Variants in WDHD1 observed in about 807,000 individuals in gnomAD.
WDHD1 encodes the protein WD repeat and HMG-box DNA-binding protein 1.
In WDHD1, 111 loss-of-function variants were observed where a neutral mutation model predicts 135.4. The observed-to-expected ratio is 0.82, with a 90% CI of 0.70 to 0.96. WDHD1 has a LOEUF of 0.96. Ranked by LOEUF, WDHD1 falls within the 40% of genes least tolerant of loss-of-function variation. WDHD1 has a pLI of 0.00. For missense variants in WDHD1, 1,351 were observed against 1,336.3 expected, an observed-to-expected ratio of 1.01 and a Z score of -0.17; for synonymous variants, 434 against 439.0, an observed-to-expected ratio of 0.99 and a Z score of 0.14.
chr14:54,963,630 C>A (rs2041292294), intron 18 of WDHD1, among the ~76,000 whole-genome samples: 1 of 152,010 alleles, frequency 6.6e-6, no homozygotes, highest in South Asian at 2.1e-4. Context: ...TGGCAAAACC[C>A]CGTCTCTACT....
chr14:54,994,588 C>G (rs1190185268), intron 11 of WDHD1, among the ~76,000 whole-genome samples: 1 of 151,818 alleles, frequency 6.6e-6, no homozygotes, highest in South Asian at 2.1e-4. Flanking sequence ...TGGTGAAACC[C>G]CATCTCTACT....
At chr14:54,947,957 T>G (rs950669782) in intron 24 of WDHD1, among the ~76,000 whole-genome samples, 6 of 151,730 alleles carry the variant, frequency 4.0e-5, no homozygotes, top group Non-Finnish European at 8.8e-5. Context: ...GGCTCACACC[T>G]GTAATTCCAG....
In WDHD1 at chr14:54,944,321, A is replaced by G; in HGVS notation, c.3189+11T>C. On this transcript the variant is annotated intron_variant, in intron 25 of 25. Transcript: ENST00000360586. ...TCACTAAGATCTCAATCTCGGCACAATTATCCTTACCTTTCTTTCTTCAGT... is the reference window on the plus strand; with the variant it reads ...TCACTAAGATCTCAATCTCGGCACAGTTATCCTTACCTTTCTTTCTTCAGT... The G allele has an allele frequency of 6.3e-7, 1 of 1,599,644 alleles. No individual in the cohort carries two copies.
Position 54,981,534 on chromosome 14 carries a change from G to A in WDHD1, c.2063+6C>T. ...AGTCAACTTTAGACTTCTTTTAATA[G>A]CCCACCTTAGTTGCTGGGGATTTTC... is the stretch of plus-strand genomic sequence containing the variant. On this transcript the variant is annotated splice_donor_region_variant and intron_variant, in intron 16 of 25. Coordinates refer to ENST00000360586, the MANE Select transcript of WDHD1 (RefSeq NM_007086.4). The A allele has an allele frequency of 6.2e-7, 1 of 1,608,646 alleles. No individual in the cohort carries two copies. The highest frequency in any genetic ancestry group is 8.5e-7 in the Non-Finnish European group (1 of 1,178,238).
intron 16 of WDHD1, among the ~76,000 whole-genome samples, chr14:54,978,296 G>C (rs1419311589): frequency 2.6e-5 from 4 of 152,188 alleles, no homozygotes; most frequent in Admixed American, 2.0e-4. Flanking sequence ...TAAAAATAGT[G>C]AATGTGGCTT....
At chr14:55,015,077 C>T (rs138097867) in intron 2 of WDHD1, among the ~76,000 whole-genome samples, 149 of 152,260 alleles carry the variant, frequency 9.8e-4, no homozygotes, top group African/African-American at 3.4e-3. Context: ...GACTATAAGT[C>T]TCAGTTTGCC....
At chr14:55,012,367 A>T (rs185358233) in intron 3 of WDHD1, among the ~76,000 whole-genome samples, 1 of 152,228 alleles carries the variant, frequency 6.6e-6, no homozygotes, top group African/African-American at 2.4e-5. Flanking sequence ...GTCATCACAA[A>T]TAAAAAGCTT....
At chr14:54,941,798 T>A in intron 25 of WDHD1, 108 bp from the exon 26 acceptor site, 2 of 940,810 alleles carry the variant, frequency 2.1e-6, no homozygotes, top group Non-Finnish European at 3.1e-6. Context: ...TAAAGCAGAA[T>A]AATTAGCACT....
intron 4 of WDHD1, 41 bp downstream of exon 4, chr14:55,010,268 G>A (rs1595119306): frequency 2.7e-6 from 4 of 1,480,346 alleles, no homozygotes; most frequent in Middle Eastern, 1.8e-4. Context: ...AAGGCCTTTT[G>A]TTCTAACATT....
At chr14:54,974,483 G>GT in intron 16 of WDHD1, among the ~76,000 whole-genome samples, 2 of 116,314 alleles carry the variant, frequency 1.7e-5, no homozygotes, top group South Asian at 2.7e-4. Flanking sequence ...CACAAAACCT[G>GT]TTTTGTTTTG....
At chr14:54,961,470 C>A (rs937110704) in intron 21 of WDHD1, among the ~76,000 whole-genome samples, 1 of 152,268 alleles carries the variant, frequency 6.6e-6, no homozygotes, top group Admixed American at 6.5e-5. Context: ...CCTTTTGCAG[C>A]CTTCAGTTCA....
chr14:54,949,593 G>T (rs1449668053), intron 24 of WDHD1, among the ~76,000 whole-genome samples: 1 of 152,204 alleles, frequency 6.6e-6, no homozygotes, highest in African/African-American at 2.4e-5. Flanking sequence ...ATACTATCCA[G>T]GAGAACTTCC....
rs1332356741 is a variant in WDHD1, at chr14:55,007,397, T to C, written c.505-22A>G. The C allele has an allele frequency of 3.3e-6, 5 of 1,523,300 alleles. No individual in the cohort carries two copies. The African/African-American group carries it at 5.6e-5, about 17-fold the overall frequency. The allele number at this position is 1,523,300 out of a possible 1,614,324, so 94.4% of individuals were successfully genotyped here. On this transcript the variant is annotated intron_variant, in intron 6 of 25. Coordinates refer to ENST00000360586, the MANE Select transcript of WDHD1 (RefSeq NM_007086.4). ...ATGTCTAATTGGTAAAAAAAGAAAATTTCTTTCCTTTATGAAAATCCCCCC... is the reference window on the plus strand; with the variant it reads ...ATGTCTAATTGGTAAAAAAAGAAAACTTCTTTCCTTTATGAAAATCCCCCC...
Position 54,991,316 on chromosome 14 carries a change from A to C in WDHD1, c.1238T>G (p.Leu413Arg). 6.2e-7 allele frequency: 1 copy of C among 1,614,124 alleles called. No homozygotes were observed. Among genetic ancestry groups the C allele is most frequent in the Non-Finnish European group, 8.5e-7 (1 of 1,180,002 alleles). ...GQEGSIHNLP[L>R]VTSQRPFYDG... ...ATAAAATGGCCTTTGGGATGTTACAAGTGGTAGATTGTGAATGCTGCCTTC... is the reference window on the plus strand; with the variant it reads ...ATAAAATGGCCTTTGGGATGTTACACGTGGTAGATTGTGAATGCTGCCTTC... Residue 413 changes from leucine (L) to arginine (R), a missense_variant, in exon 12 of 26, where the codon CTT becomes CGT. Transcript: ENST00000360586.
At chr14:55,011,448 C>T (rs780276355) in intron 3 of WDHD1, among the ~76,000 whole-genome samples, 5 of 134,226 alleles carry the variant, frequency 3.7e-5, no homozygotes, top group Admixed American at 1.8e-4. Flanking sequence ...CACCTGAACC[C>T]GGGAGGCGGC....
chr14:54,995,854 AT>A, intron 10 of WDHD1, 41 bp from the exon 11 acceptor site: 2 of 1,446,524 alleles, frequency 1.4e-6, no homozygotes, highest in Non-Finnish European at 9.2e-7. Flanking sequence ...AAAGTGAATG[AT>A]TTAGAAAAAC....
chr14:54,974,719 T>G (rs1369101836), intron 16 of WDHD1, among the ~76,000 whole-genome samples: 1 of 151,934 alleles, frequency 6.6e-6, no homozygotes, highest in Non-Finnish European at 1.5e-5. Flanking sequence ...CTCAGCTACT[T>G]GGGAGGCTGA....
chr14:54,973,539 CCA>C (rs1266891329), intron 16 of WDHD1, among the ~76,000 whole-genome samples: 3 of 152,122 alleles, frequency 2.0e-5, no homozygotes, highest in Non-Finnish European at 2.9e-5. Flanking sequence ...CTAGTTTTCA[CCA>C]CACAGTATGA....
chr14:55,016,032 T>C (rs774764897), intron 2 of WDHD1, among the ~76,000 whole-genome samples: 45 of 152,228 alleles, frequency 3.0e-4, no homozygotes, highest in Non-Finnish European at 4.3e-4. Flanking sequence ...GCAGATGCAC[T>C]GGAGGAGACG....
Sources: gnomAD v4.1 joint callset for allele counts (sites outside exome capture counted in the v4.1 genomes callset) on GRCh38, gnomAD v4.1.1 for gene constraint, MANE v1.5 for transcripts, NCBI Gene and HGNC (gene_info 2026-07-23, HGNC 2026-07-21) for gene names.